Variants in EXOC4 observed in about 807,000 individuals in gnomAD.
EXOC4 encodes the protein SEC8-like 1.
In EXOC4, 71 loss-of-function variants were observed where a neutral mutation model predicts 107.2. The observed-to-expected ratio is 0.66, with a 90% CI of 0.55 to 0.81. The LOEUF is 0.81. Ranked by LOEUF, EXOC4 falls within the 30% of genes least tolerant of loss-of-function variation. EXOC4 has a pLI of 0.00. For missense variants in EXOC4, 1,108 were observed against 1,189.6 expected (o/e 0.93, Z 1.01); for synonymous variants, 456 against 441.2 (o/e 1.03, Z -0.42).
chr7:134,007,509 C>T (rs1041840797), intron 16 of EXOC4, among the ~76,000 whole-genome samples, 167 bp from the exon 17 acceptor site: 2 of 152,020 alleles, frequency 1.3e-5, no homozygotes, highest in African/African-American at 4.8e-5. Flanking sequence ...GTAGAAATAC[C>T]CTAAAATTAT....
At chr7:133,572,459 AAAAT>A (rs1173608122) in intron 9 of EXOC4, among the ~76,000 whole-genome samples, 2 of 152,212 alleles carry the variant, frequency 1.3e-5, no homozygotes, top group African/African-American at 2.4e-5. Context: ...CAATATAAAA[AAAAT>A]AAATCAAGAA....
chr7:133,488,967 AAT>A (rs1402236592), intron 9 of EXOC4, among the ~76,000 whole-genome samples: 2 of 148,650 alleles, frequency 1.3e-5, no homozygotes, highest in African/African-American at 2.4e-5. Flanking sequence ...ATATAAATCT[AAT>A]ATCTTACACA....
chr7:133,914,512 C>G (rs1799762432), intron 12 of EXOC4, among the ~76,000 whole-genome samples: 1 of 152,104 alleles, frequency 6.6e-6, no homozygotes, highest in African/African-American at 2.4e-5. Flanking sequence ...GCTACCCAAC[C>G]TGGAGTAGAA....
chr7:133,357,875 C>G (rs1796056606), intron 6 of EXOC4, among the ~76,000 whole-genome samples: 2 of 152,108 alleles, frequency 1.3e-5, no homozygotes, highest in African/African-American at 4.8e-5. Flanking sequence ...TTATCCTTCT[C>G]CTGCCACAGA....
At chr7:133,902,273 TA>T (rs1468781745) in intron 12 of EXOC4, among the ~76,000 whole-genome samples, 1 of 152,230 alleles carries the variant, frequency 6.6e-6, no homozygotes, top group African/African-American at 2.4e-5. Context: ...TGCTTTGAAT[TA>T]TTTCGGCATC....
chr7:133,488,942 T>G (rs1328395277), intron 9 of EXOC4, among the ~76,000 whole-genome samples: 3 of 149,264 alleles, frequency 2.0e-5, no homozygotes, highest in African/African-American at 4.9e-5. Context: ...ATATAAAATC[T>G]CTATATAAAG....
chr7:133,382,784 A>G (rs1193481793), intron 7 of EXOC4, among the ~76,000 whole-genome samples: 2 of 152,200 alleles, frequency 1.3e-5, no homozygotes, highest in Non-Finnish European at 2.9e-5. Context: ...AATTCTTGGA[A>G]GAGAGAATAC....
chr7:133,481,654 C>T lies in EXOC4; in HGVS notation c.1417+1516C>T, dbSNP rs191514592. ...GTTCTACAGCCCATAAATGTGGTCA[C>T]CAGAAGTAAAAGCCTAGAAGTATGT... On this transcript the variant is annotated intron_variant, in intron 9 of 17. Transcript: ENST00000253861. Among the ~76,000 whole-genome samples the T allele has an allele frequency of 1.3e-4, 20 of 152,216 alleles. No homozygotes were observed. In the East Asian group the frequency reaches 3.9e-3, roughly 29 times the overall value.
At position 133,593,564 on chromosome 7, in the gene EXOC4, A is replaced by G. The variant is rs142970200; in HGVS notation, c.1418-36481A>G. 3.7e-3 allele frequency among the ~76,000 whole-genome samples: 562 copies of G among 152,340 alleles called. 3 individuals are homozygous for G. Among genetic ancestry groups the G allele is most frequent in the Middle Eastern group, 6.8e-3 (2 of 294 alleles). On this transcript the variant is annotated intron_variant, in intron 9 of 17. Transcript: ENST00000253861. ...CTGATGAAGTTCAGTTGTCAGATCT[A>G]TATGGTGAATTATCATAGGGGATGT... is the stretch of plus-strand genomic sequence containing the variant.
At chr7:133,995,386 A>G (rs935354689) in intron 14 of EXOC4, among the ~76,000 whole-genome samples, 4 of 152,214 alleles carry the variant, frequency 2.6e-5, no homozygotes, top group Non-Finnish European at 5.9e-5. Flanking sequence ...TGATACGTAG[A>G]TAACTCTCCA....
intron 9 of EXOC4, among the ~76,000 whole-genome samples, chr7:133,618,804 C>G (rs1802256735): frequency 6.6e-6 from 1 of 151,930 alleles, no homozygotes; most frequent in Non-Finnish European, 1.5e-5. Context: ...TCTGGATAGA[C>G]TATAAAATGA....
intron 7 of EXOC4, among the ~76,000 whole-genome samples, chr7:133,395,623 G>A (rs889671052): frequency 1.1e-4 from 17 of 152,128 alleles, no homozygotes; most frequent in East Asian, 7.7e-4. Flanking sequence ...TGATTCTGGA[G>A]GAAGTGAGTT....
In EXOC4 at chr7:133,805,831, G is replaced by A. The variant is rs79400151; in HGVS notation, c.1515-11494G>A. On this transcript the variant is annotated intron_variant, in intron 10 of 17. Transcript: ENST00000253861. ...TAGTCATATATTTTATAAGTTGAAG[G>A]AAGAAGGGATGGAAGAAGGAAAAAT... 4.0e-3 allele frequency among the ~76,000 whole-genome samples: 615 copies of A among 152,298 alleles called. 5 individuals are homozygous for A. Among genetic ancestry groups the A allele is most frequent in the African/African-American group, 0.014 (596 of 41,556 alleles).
chr7:133,684,650 T>C (rs985159772), intron 10 of EXOC4, among the ~76,000 whole-genome samples: 1 of 152,218 alleles, frequency 6.6e-6, no homozygotes, highest in Non-Finnish European at 1.5e-5. Context: ...TTAGAAATGT[T>C]GGGTAAAATG....
intron 17 of EXOC4, among the ~76,000 whole-genome samples, chr7:134,048,424 C>T (rs1250383337): frequency 6.6e-6 from 1 of 152,110 alleles, no homozygotes; most frequent in Non-Finnish European, 1.5e-5. Flanking sequence ...TCAGCATATG[C>T]CCAGGAATGA....
At chr7:133,584,794 G>T (rs1801363924) in intron 9 of EXOC4, among the ~76,000 whole-genome samples, 1 of 151,942 alleles carries the variant, frequency 6.6e-6, no homozygotes, top group South Asian at 2.1e-4. Flanking sequence ...GGCCAGGCTG[G>T]TCTCGAACTC....
intron 14 of EXOC4, among the ~76,000 whole-genome samples, chr7:133,959,470 G>C (rs1800891585): frequency 6.6e-6 from 1 of 151,550 alleles, no homozygotes; most frequent in Non-Finnish European, 1.5e-5. Context: ...AAAAGAAAAA[G>C]GACCCTAGGA....
At chr7:134,073,152 G>A in the EXOC4 span, among the ~76,000 whole-genome samples, 1 of 120,710 alleles carries the variant, frequency 8.3e-6, no homozygotes, top group Non-Finnish European at 1.6e-5. Flanking sequence ...GTTGCAGTGA[G>A]CCAAGACCAT....
At chr7:133,822,849 G>A (rs972346846) in intron 11 of EXOC4, among the ~76,000 whole-genome samples, 1 of 152,198 alleles carries the variant, frequency 6.6e-6, no homozygotes, top group African/African-American at 2.4e-5. Context: ...GGGATCTAAT[G>A]TTGTGGGGTT....
Sources: allele counts gnomAD v4.1 joint callset (sites outside exome capture counted in the v4.1 genomes callset), GRCh38; gene constraint gnomAD v4.1.1; transcripts MANE v1.5; gene names NCBI Gene and HGNC (gene_info 2026-07-23, HGNC 2026-07-21).